The following SH3GL2 variants were observed in gnomAD, a reference collection of about 807,000 sequenced individuals.
The protein encoded by SH3GL2 is SH3 domain containing GRB2 like 2, endophilin A1.
Under a neutral mutation model 46.0 loss-of-function variants are expected in SH3GL2, and 24 were observed. The ratio of observed to expected loss-of-function variants is 0.52; its 90% CI spans 0.38 to 0.73. The LOEUF (loss-of-function observed/expected upper bound fraction) is 0.73, where lower values mean the gene tolerates loss of function less well. SH3GL2 is among the 30% of genes least tolerant of loss of function. SH3GL2 has a pLI of 0.00. For missense variants in SH3GL2, 413 were observed against 424.2 expected (o/e 0.97, Z 0.23); for synonymous variants, 196 against 147.1 (o/e 1.33, Z -2.40).
At chr9:17,714,221 T>A (rs191500105) in intron 1 of SH3GL2, among the ~76,000 whole-genome samples, 34 of 151,808 alleles carry the variant, frequency 2.2e-4, no homozygotes, top group Non-Finnish European at 3.8e-4. Context: ...TCTATTACCT[T>A]TTTTCCTAAC....
chr9:17,590,620 T>C (rs941435618), intron 1 of SH3GL2: 7 of 152,224 alleles, frequency 4.6e-5, no homozygotes, highest in Non-Finnish European at 1.0e-4. Flanking sequence ...GTCCAAATTT[T>C]GCAGATATAT....
At chr9:17,739,315 A>C (rs904980307) in intron 1 of SH3GL2, among the ~76,000 whole-genome samples, 8 of 152,030 alleles carry the variant, frequency 5.3e-5, no homozygotes, top group African/African-American at 1.9e-4. Context: ...TCTCTTTATG[A>C]GTTGCTTTTT....
In SH3GL2 at chr9:17,597,163, G is replaced by A. The variant is rs191608706; in HGVS notation, c.45+17876G>A. 4.0e-4 allele frequency among the ~76,000 whole-genome samples: 61 copies of A among 152,292 alleles called. No homozygotes were observed. The East Asian group carries it at 0.01, about 25-fold the overall frequency. ...AATCTGCTGAAGCATATACCAAATTGATGTTTTTATTTGCTGCAAAACTTC... is the reference window on the plus strand; with the variant it reads ...AATCTGCTGAAGCATATACCAAATTAATGTTTTTATTTGCTGCAAAACTTC... On this transcript the variant is annotated intron_variant, in intron 1 of 8. Transcript: ENST00000380607.
intron 1 of SH3GL2, chr9:17,630,564 G>A (rs1819397473): frequency 6.6e-6 from 1 of 152,154 alleles, no homozygotes; most frequent in South Asian, 2.1e-4. Flanking sequence ...TGTGGTAGGC[G>A]GTTAAAAAGC....
At chr9:17,759,375 C>G (rs1476293423) in intron 2 of SH3GL2, among the ~76,000 whole-genome samples, 2 of 152,234 alleles carry the variant, frequency 1.3e-5, no homozygotes, top group Admixed American at 6.5e-5. Context: ...TGCCAGGTCC[C>G]CAGCCCCATC....
At chr9:17,772,695 T>A (rs1823522008) in intron 3 of SH3GL2, among the ~76,000 whole-genome samples, 1 of 152,226 alleles carries the variant, frequency 6.6e-6, no homozygotes, top group Non-Finnish European at 1.5e-5. Flanking sequence ...TAAGGCTGAA[T>A]AGTATTCTGT....
At chr9:17,747,448 G>C (rs16935958) in intron 2 of SH3GL2, among the ~76,000 whole-genome samples, 14,523 of 152,052 alleles carry the variant, frequency 0.096, 970 homozygotes, top group Admixed American at 0.22. Context: ...GGTGAGATGC[G>C]TAGAAAAGAA....
chr9:17,603,674 A>G lies in SH3GL2; in HGVS notation c.45+24387A>G, dbSNP rs1039265893. 2.0e-5 allele frequency among the ~76,000 whole-genome samples: 3 copies of G among 152,282 alleles called. No individual in the cohort carries two copies. The East Asian group carries it at 5.8e-4, about 30-fold the overall frequency. ...TCAGGGGTTCGAGACCAGCCTGGCC[A>G]ACATGGAGAAACCCCATCTCTATTA... On this transcript the variant is annotated intron_variant, in intron 1 of 8. Transcript: ENST00000380607.
intron 1 of SH3GL2, among the ~76,000 whole-genome samples, chr9:17,723,551 CT>C (rs1176400308): frequency 2.0e-5 from 3 of 152,130 alleles, no homozygotes; most frequent in Non-Finnish European, 2.9e-5. Context: ...TTCTCCTAAA[CT>C]TTCAAACTGT....
At chr9:17,775,012 G>A (rs1334128083) in intron 3 of SH3GL2, among the ~76,000 whole-genome samples, 3 of 152,086 alleles carry the variant, frequency 2.0e-5, no homozygotes, top group Admixed American at 6.6e-5. Flanking sequence ...AGTCTTGGTA[G>A]GTTTTGTGTT....
chr9:17,694,791 T>A (rs946584068), intron 1 of SH3GL2, among the ~76,000 whole-genome samples: 2 of 152,156 alleles, frequency 1.3e-5, no homozygotes, highest in Non-Finnish European at 2.9e-5. Context: ...ATTTAAATAA[T>A]TGAGTTAAAT....
At chr9:17,645,275 C>T (rs1014581387) in intron 1 of SH3GL2, among the ~76,000 whole-genome samples, 29 of 147,096 alleles carry the variant, frequency 2.0e-4, no homozygotes, top group Non-Finnish European at 4.5e-5. Flanking sequence ...ATACAACACA[C>T]TGATGGGTCT....
At chr9:17,780,207 T>A (rs997467189) in intron 3 of SH3GL2, among the ~76,000 whole-genome samples, 7 of 152,282 alleles carry the variant, frequency 4.6e-5, no homozygotes, top group African/African-American at 1.7e-4. Context: ...ATTGTCAACA[T>A]CCCAAAACCT....
chr9:17,635,499 T>C (rs1819523084), intron 1 of SH3GL2, among the ~76,000 whole-genome samples: 1 of 152,220 alleles, frequency 6.6e-6, no homozygotes, highest in Non-Finnish European at 1.5e-5. Context: ...AGCACGTGGC[T>C]GACTCATTGA....
At chr9:17,647,253 A>G (rs1277905947) in intron 1 of SH3GL2, among the ~76,000 whole-genome samples, 4 of 152,242 alleles carry the variant, frequency 2.6e-5, no homozygotes, top group Admixed American at 6.5e-5. Flanking sequence ...TGTTGCTTCA[A>G]TGTGCAAAAC....
At chr9:17,702,436 T>C (rs1821362261) in intron 1 of SH3GL2, among the ~76,000 whole-genome samples, 1 of 146,662 alleles carries the variant, frequency 6.8e-6, no homozygotes, top group Non-Finnish European at 1.5e-5. Context: ...AGGAGAAATG[T>C]TGCACAGCAA....
intron 2 of SH3GL2, among the ~76,000 whole-genome samples, chr9:17,749,077 C>G (rs532399233): frequency 6.6e-6 from 1 of 152,264 alleles, no homozygotes; most frequent in South Asian, 2.1e-4. Flanking sequence ...AATTCTGAGT[C>G]CCAGCCTTCA....
chr9:17,659,642 A>G (rs904010019), intron 1 of SH3GL2, among the ~76,000 whole-genome samples: 3 of 152,220 alleles, frequency 2.0e-5, no homozygotes, highest in Admixed American at 6.5e-5. Flanking sequence ...AACTGGTGGT[A>G]TAACCCAGAA....
chr9:17,789,548 G>A lies in SH3GL2; in HGVS notation c.622G>A (p.Asp208Asn). 1 of 1,613,248 alleles carries A rather than the reference G, an allele frequency of 6.2e-7. No individual in the cohort carries two copies. The change falls in exon 6 of 9, where the codon GAT becomes AAT. Residue 208 changes from aspartate (D) to asparagine (N), a missense_variant and splice_region_variant. Transcript: ENST00000380607. ...ESSMFNLLEM[D>N]IEQVSQLSAL... The stretch of plus-strand genomic sequence containing the variant: ...AAGCATGTTCAATCTCTTGGAGATG[G>A]ATGTAAGTGACTCCTGTGGTTTTCA...
Sources: allele counts gnomAD v4.1 joint callset (sites outside exome capture counted in the v4.1 genomes callset), GRCh38; gene constraint gnomAD v4.1.1; transcripts MANE v1.5; gene names NCBI Gene and HGNC (gene_info 2026-07-23, HGNC 2026-07-21).